PARG: variants seen among roughly 807,000 people sequenced by gnomAD.
PARG encodes mitochondrial poly(ADP-ribose) glycohydrolase.
A neutral mutation model predicts 113.0 loss-of-function variants in PARG; 35 were observed. The observed-to-expected ratio is 0.31, with a 90% CI of 0.24 to 0.41. The LOEUF is 0.41. PARG is among the 10% of genes least tolerant of loss of function. PARG has a pLI of 1.00. For missense variants in PARG, 797 were observed against 1,169.4 expected (o/e 0.68, Z 4.64); for synonymous variants, 330 against 409.9 (o/e 0.81, Z 2.36).
chr10:49,841,717 T>A (rs998345271), intron 15 of PARG, among the ~76,000 whole-genome samples: 1 of 152,176 alleles, frequency 6.6e-6, no homozygotes, highest in Non-Finnish European at 1.5e-5. Flanking sequence ...GATAAATGCA[T>A]GTGTGGGGTT....
intron 2 of PARG, 42 bp downstream of exon 2, chr10:49,935,034 A>C: frequency 1.4e-6 from 1 of 694,958 alleles, no homozygotes; most frequent in Non-Finnish European, 2.6e-6. Context: ...TAAAACATCC[A>C]TGTATTATTA....
intron 16 of PARG, among the ~76,000 whole-genome samples, chr10:49,830,122 C>T (rs919888543): frequency 1.3e-5 from 2 of 152,056 alleles, no homozygotes; most frequent in Non-Finnish European, 2.9e-5. Flanking sequence ...AGAGCAAGCA[C>T]AGCTGCAGTC....
At position 49,866,906 on chromosome 10, in the gene PARG, T is replaced by C. The variant is rs868987425; in HGVS notation, c.2069-1525A>G. ...AAGTAATTTAATTCAGAAGGCTTTTTAAAATACTTCAGTCTCAAGATCTTC... is the reference window on the plus strand; with the variant it reads ...AAGTAATTTAATTCAGAAGGCTTTTCAAAATACTTCAGTCTCAAGATCTTC... On this transcript the variant is annotated intron_variant, in intron 10 of 17. Coordinates refer to ENST00000616448, the MANE Select transcript of PARG (RefSeq NM_003631.5). Among the ~76,000 whole-genome samples, 126 of 152,046 alleles carry C rather than the reference T, an allele frequency of 8.3e-4. 1 individual carries two copies. Among genetic ancestry groups the C allele is most frequent in the Non-Finnish European group, 1.3e-3 (90 of 67,954 alleles).
intron 8 of PARG, among the ~76,000 whole-genome samples, chr10:49,881,259 T>C (rs552100396): frequency 3.3e-5 from 5 of 152,304 alleles, no homozygotes; most frequent in Admixed American, 3.3e-4. Context: ...AGCCTGACCA[T>C]CTTGGGCACA....
At position 49,852,032 on chromosome 10, in the gene PARG, C is replaced by A. The variant is rs563554715; in HGVS notation, c.2353+5274G>T. Among the ~76,000 whole-genome samples, 3 of 152,130 alleles carry A rather than the reference C, an allele frequency of 2.0e-5. No homozygotes were observed. The South Asian group carries it at 6.2e-4, about 32-fold the overall frequency. Reference sequence around the variant, plus strand: ...TTTATTTCCAATTTCTCAAACTCTTCTACAGATTCAGGCAGCACAGTCACA... The same window carrying A: ...TTTATTTCCAATTTCTCAAACTCTTATACAGATTCAGGCAGCACAGTCACA... On this transcript the variant is annotated intron_variant, in intron 13 of 17. Coordinates refer to ENST00000616448, the MANE Select transcript of PARG (RefSeq NM_003631.5).
chr10:49,911,789 AT>A (rs1382465383), intron 7 of PARG, among the ~76,000 whole-genome samples: 62 of 152,326 alleles, frequency 4.1e-4, no homozygotes, highest in African/African-American at 1.5e-3. Context: ...TGGATTCACA[AT>A]GACTGTTGAC....
At chr10:49,918,890 G>T (rs1232892472) in intron 6 of PARG, among the ~76,000 whole-genome samples, 1 of 151,912 alleles carries the variant, frequency 6.6e-6, no homozygotes, top group Non-Finnish European at 1.5e-5. Context: ...GTGCACTAAG[G>T]AATTGCTAGA....
chr10:49,921,760 C>T (rs1387946439), intron 6 of PARG, among the ~76,000 whole-genome samples: 2 of 150,240 alleles, frequency 1.3e-5, no homozygotes, highest in African/African-American at 5.0e-5. Context: ...TATATATATA[C>T]ACACACACTC....
At chr10:49,893,496 G>A (rs2164366) in intron 7 of PARG, among the ~76,000 whole-genome samples, 1 of 151,762 alleles carries the variant, frequency 6.6e-6, no homozygotes, top group South Asian at 2.1e-4. Flanking sequence ...CAAATATTTC[G>A]CCGTCTTTTA....
intron 7 of PARG, among the ~76,000 whole-genome samples, chr10:49,907,286 G>A (rs1370171826): frequency 2.0e-5 from 3 of 151,792 alleles, no homozygotes; most frequent in South Asian, 4.2e-4. Flanking sequence ...AGCCAGCTTA[G>A]AATCTGACAG....
At chr10:49,880,112 A>T (rs1283728584) in intron 8 of PARG, among the ~76,000 whole-genome samples, 2 of 152,128 alleles carry the variant, frequency 1.3e-5, no homozygotes, top group South Asian at 4.1e-4. Context: ...TGCTTCAGCA[A>T]GTAAATAAAA....
chr10:49,864,222 T>C (rs1410619231), intron 11 of PARG, among the ~76,000 whole-genome samples: 1 of 152,162 alleles, frequency 6.6e-6, no homozygotes, highest in Middle Eastern at 3.2e-3. Flanking sequence ...TAACATGCCA[T>C]GATGCCAAAA....
chr10:49,908,879 A>G (rs1302008753), intron 7 of PARG, among the ~76,000 whole-genome samples: 4 of 152,228 alleles, frequency 2.6e-5, no homozygotes, highest in African/African-American at 7.2e-5. Flanking sequence ...AACAGCAGTT[A>G]TAACAATTTA....
At chr10:49,833,180 A>G in intron 15 of PARG, 1 of 209,466 alleles carries the variant, frequency 4.8e-6, no homozygotes, top group Non-Finnish European at 9.4e-6. Context: ...TACAGGTCCC[A>G]ATTTATTTTT....
chr10:49,841,905 A>C (rs528255725), intron 15 of PARG, 45 bp downstream of exon 15: 1 of 1,229,394 alleles, frequency 8.1e-7, no homozygotes, highest in Non-Finnish European at 1.2e-6. Flanking sequence ...AATGGCAGTA[A>C]ATAGATGACA....
chr10:49,894,547 T>C (rs189011443), intron 7 of PARG, among the ~76,000 whole-genome samples: 291 of 152,266 alleles, frequency 1.9e-3, no homozygotes, highest in East Asian at 0.019. Flanking sequence ...TTATTTTCTA[T>C]GTATAGTATG....
chr10:49,820,415 A>G, intron 16 of PARG, 122 bp from the exon 17 acceptor site: 3 of 658,904 alleles, frequency 4.6e-6, no homozygotes, highest in East Asian at 5.8e-5. Flanking sequence ...CCCAGTATAC[A>G]TGGTATTAGA....
chr10:49,924,865 G>A (rs2664666), intron 4 of PARG, among the ~76,000 whole-genome samples: 1 of 152,204 alleles, frequency 6.6e-6, no homozygotes, highest in Non-Finnish European at 1.5e-5. Flanking sequence ...AATCTACATT[G>A]TGTAGAGCAA....
At position 49,840,676 on chromosome 10, in the gene PARG, T is replaced by C. The variant is rs555544955; in HGVS notation, c.2541+1274A>G. On this transcript the variant is annotated intron_variant, in intron 15 of 17. Transcript: ENST00000616448. ...TTAAAAAATTATACATACGAGAACA[T>C]GTTCAACAATAAATTAGATTCTCCC... 5.9e-5 allele frequency among the ~76,000 whole-genome samples: 9 copies of C among 152,302 alleles called. No homozygotes were observed. In the East Asian group the frequency reaches 1.5e-3, roughly 26 times the overall value.
Sources: allele counts gnomAD v4.1 joint callset (sites outside exome capture counted in the v4.1 genomes callset), GRCh38; gene constraint gnomAD v4.1.1; transcripts MANE v1.5; gene names NCBI Gene and HGNC (gene_info 2026-07-23, HGNC 2026-07-21).